DNAJB1: variants seen among roughly 807,000 people sequenced by gnomAD.
DNAJB1 encodes DnaJ heat shock protein family (Hsp40) member B1.
In DNAJB1, 14 loss-of-function variants were observed where a neutral mutation model predicts 24.0. The observed-to-expected ratio is 0.58, with a 90% CI of 0.39 to 0.91. The LOEUF (loss-of-function observed/expected upper bound fraction) is 0.91, where lower values mean the gene tolerates loss of function less well. Ranked by LOEUF, DNAJB1 falls within the 40% of genes least tolerant of loss-of-function variation. DNAJB1 has a pLI of 0.00. For missense variants in DNAJB1, 517 were observed against 458.1 expected (o/e 1.13, Z -1.17); for synonymous variants, 262 against 174.4 (o/e 1.50, Z -3.96).
At chr19:14,548,777 G>C (rs1250228923) in intron 1 of DNAJB1, among the ~76,000 whole-genome samples, 3 of 151,990 alleles carry the variant, frequency 2.0e-5, no homozygotes, top group African/African-American at 4.8e-5. Flanking sequence ...GGTTCACCAT[G>C]TTGGCCAGGC....
intron 1 of DNAJB1, among the ~76,000 whole-genome samples, chr19:14,542,876 C>G (rs1462726149): frequency 6.6e-6 from 1 of 152,148 alleles, no homozygotes; most frequent in South Asian, 2.1e-4. Context: ...TGGCATGGCC[C>G]TGCCTCTGTC....
At chr19:14,534,714 G>A (rs1009192503), upstream of DNAJB1, among the ~76,000 whole-genome samples, 2 of 152,150 alleles carry the variant, frequency 1.3e-5, no homozygotes, top group African/African-American at 4.8e-5. Flanking sequence ...TGGGATTATA[G>A]GTGTGAGCCA....
At chr19:14,545,248 C>G (rs532228049) in intron 1 of DNAJB1, 1 of 456,134 alleles carries the variant, frequency 2.2e-6, no homozygotes, top group African/African-American at 2.0e-5. Context: ...CTAAAATTTA[C>G]TCTGTTCCAG....
At chr19:14,548,663 C>T (rs551412795) in intron 1 of DNAJB1, among the ~76,000 whole-genome samples, 17 of 152,036 alleles carry the variant, frequency 1.1e-4, no homozygotes, top group East Asian at 7.8e-4. Context: ...CTGCAACCTC[C>T]GCTTCCCAGG....
intron 2 of DNAJB1, 33 bp from the exon 3 acceptor site, chr19:14,516,203 G>A (rs375989302): frequency 1.7e-5 from 27 of 1,610,284 alleles, no homozygotes; most frequent in Non-Finnish European, 2.3e-5. Flanking sequence ...TTAGATGGAA[G>A]CTGGCTCAAG....
chr19:14,522,683 GACACACACACAC>G (rs56121204), upstream of DNAJB1, among the ~76,000 whole-genome samples: 1,518 of 117,916 alleles, frequency 0.013, 19 homozygotes, highest in African/African-American at 0.038. Context: ...CACACACACA[GACACACACACAC>G]ACACACACAC....
intron 1 of DNAJB1, among the ~76,000 whole-genome samples, chr19:14,558,483 G>T (rs780374448): frequency 6.6e-6 from 1 of 152,132 alleles, no homozygotes; most frequent in Non-Finnish European, 1.5e-5. Context: ...GTGCTGCGAC[G>T]AGTTGCTGTT....
intron 1 of DNAJB1, among the ~76,000 whole-genome samples, chr19:14,537,453 G>C (rs968781178): frequency 6.7e-6 from 1 of 149,548 alleles, no homozygotes; most frequent in African/African-American, 2.5e-5. Context: ...CCTGAGAACA[G>C]AGGAGGGTTG....
At chr19:14,516,309 C>T (rs1277488499) in intron 2 of DNAJB1, 139 bp from the exon 3 acceptor site, 17 of 1,273,660 alleles carry the variant, frequency 1.3e-5, no homozygotes, top group African/African-American at 6.1e-5. Context: ...GTCCCCACCA[C>T]GAAAGCTCCA....
At chr19:14,524,573 C>T (rs1404117621) in intron 2 of DNAJB1, among the ~76,000 whole-genome samples, 6 of 152,002 alleles carry the variant, frequency 3.9e-5, no homozygotes, top group Admixed American at 3.3e-4. Context: ...AGGCTGGGTG[C>T]GGTGGCTCAT....
At chr19:14,525,278 C>T (rs1449399766) in intron 2 of DNAJB1, among the ~76,000 whole-genome samples, 3 of 151,952 alleles carry the variant, frequency 2.0e-5, no homozygotes, top group Non-Finnish European at 4.4e-5. Context: ...CATTTCCTGG[C>T]TCCTCTCAAT....
Position 14,515,327 on chromosome 19 carries a change from T to C in DNAJB1, c.*613A>G, listed in dbSNP as rs984951790. ...ACCATCAAGGGAGAGGTGGCTGCACTTGCTGGAGTCACTCACTGGAGGCTG... is the reference window on the plus strand; with the variant it reads ...ACCATCAAGGGAGAGGTGGCTGCACCTGCTGGAGTCACTCACTGGAGGCTG... On this transcript the variant is annotated 3_prime_UTR_variant, in exon 3 of 3. Coordinates refer to ENST00000254322, the MANE Select transcript of DNAJB1 (RefSeq NM_006145.3). The C allele has an allele frequency of 1.4e-4, 22 of 152,812 alleles. No homozygotes were observed. The highest frequency in any genetic ancestry group is 5.3e-4 in the African/African-American group (22 of 41,460). 9.5% of individuals were successfully genotyped at this position (152,812 alleles called of 1,614,324 possible). A position where few individuals can be genotyped will look rare whatever the true frequency, so the allele number is the denominator to read the frequency against.
At chr19:14,519,443 A>G (rs938581811), upstream of DNAJB1, among the ~76,000 whole-genome samples, 4 of 152,218 alleles carry the variant, frequency 2.6e-5, no homozygotes, top group African/African-American at 9.6e-5. Flanking sequence ...AACCGTGGGG[A>G]GAAGGATTTT....
In DNAJB1 at chr19:14,517,672, G is replaced by C. The variant is rs566280405; in HGVS notation, c.211+467C>G. The C allele has an allele frequency of 5.7e-5, 9 of 156,556 alleles. No homozygotes were observed. In the East Asian group the frequency reaches 1.7e-3, roughly 29 times the overall value. The allele number at this position is 156,556 out of a possible 1,614,324, so 9.7% of individuals were successfully genotyped here. On this transcript the variant is annotated intron_variant, in intron 1 of 2. Coordinates refer to ENST00000254322, the MANE Select transcript of DNAJB1 (RefSeq NM_006145.3). ...GCCGGGGCCAGGTCATCACTTCCCG[G>C]GAATTATCCCAACCCAGCCCCCAAG...
chr19:14,529,961 G>A (rs1254639003), upstream of DNAJB1: 2 of 585,370 alleles, frequency 3.4e-6, no homozygotes, highest in Non-Finnish European at 6.1e-6. Flanking sequence ...TGCAGGGGCT[G>A]GGACGCTTGC....
intron 1 of DNAJB1, among the ~76,000 whole-genome samples, chr19:14,541,554 C>T (rs1196689552): frequency 6.6e-6 from 1 of 152,168 alleles, no homozygotes; most frequent in African/African-American, 2.4e-5. Context: ...TGCTAAGAAT[C>T]GTGGGATGAA....
At chr19:14,526,272 C>T (rs1186731124) in intron 2 of DNAJB1, among the ~76,000 whole-genome samples, 1 of 152,190 alleles carries the variant, frequency 6.6e-6, no homozygotes, top group Non-Finnish European at 1.5e-5. Context: ...TGTGAATCAG[C>T]CACTGCTGGG....
At chr19:14,535,823 C>T (rs2072880241) in intron 1 of DNAJB1, among the ~76,000 whole-genome samples, 1 of 148,570 alleles carries the variant, frequency 6.7e-6, no homozygotes, top group African/African-American at 2.5e-5. Context: ...AAAGACCTTT[C>T]CTATGTTAGC....
chr19:14,546,820 G>T (rs541652959), intron 1 of DNAJB1, among the ~76,000 whole-genome samples: 19 of 152,300 alleles, frequency 1.2e-4, no homozygotes, highest in African/African-American at 4.3e-4. Context: ...CTCCCAGGTA[G>T]CTGGGACTAC....
Sources: allele counts gnomAD v4.1 joint callset (sites outside exome capture counted in the v4.1 genomes callset), GRCh38; gene constraint gnomAD v4.1.1; transcripts MANE v1.5; gene names NCBI Gene and HGNC (gene_info 2026-07-23, HGNC 2026-07-21).